Variants in FAM222A observed in about 807,000 individuals in gnomAD.
The protein encoded by FAM222A is protein FAM222A.
In FAM222A, 7 loss-of-function variants were observed where a neutral mutation model predicts 25.8. The ratio of observed to expected loss-of-function variants is 0.27; its 90% CI spans 0.15 to 0.51. FAM222A has a LOEUF of 0.51. FAM222A is among the 20% of genes least tolerant of loss of function. FAM222A has a pLI of 0.97. For synonymous variants in FAM222A, 294 were observed against 298.8 expected (o/e 0.98, Z 0.17); for missense variants, 573 against 640.5 (o/e 0.89, Z 1.14).
At chr12:109,715,592 C>T (rs1277838669) in intron 1 of FAM222A, among the ~76,000 whole-genome samples, 1 of 152,164 alleles carries the variant, frequency 6.6e-6, no homozygotes, top group Admixed American at 6.5e-5. Context: ...GGACTCCCCC[C>T]ACCCCTACCA....
In FAM222A at chr12:109,768,193, C is replaced by A; in HGVS notation, c.264C>A (p.Arg88=). The A allele has an allele frequency of 6.2e-7, 1 of 1,613,328 alleles. No homozygotes were observed. Among genetic ancestry groups the A allele is most frequent in the Non-Finnish European group, 8.5e-7 (1 of 1,179,910 alleles). ...TVNGYDTSGQ[R]YSPYPQHTAG... is the part of the protein sequence containing the mutation. ...ATGGCTATGACACCAGTGGCCAGCGCTACAGCCCCTACCCACAGCACACCG... is the reference window on the plus strand; with the variant it reads ...ATGGCTATGACACCAGTGGCCAGCGATACAGCCCCTACCCACAGCACACCG... The change falls in exon 3 of 3, where the codon CGC becomes CGA. Residue 88 remains arginine (R), a synonymous_variant. Coordinates refer to ENST00000538780, the MANE Select transcript of FAM222A (RefSeq NM_032829.3).
chr12:109,720,038 G>T, intron 1 of FAM222A: 1 of 954,660 alleles, frequency 1.0e-6, no homozygotes, highest in Middle Eastern at 5.4e-4. Flanking sequence ...CTTTCTCATG[G>T]GCTTGTGGGT....
chr12:109,720,745 GGT>G (rs1887731882), intron 1 of FAM222A, among the ~76,000 whole-genome samples: 2 of 152,236 alleles, frequency 1.3e-5, no homozygotes, highest in African/African-American at 4.8e-5. Flanking sequence ...CTTGAAAGGT[GGT>G]GTGTACCTAC....
intron 2 of FAM222A, among the ~76,000 whole-genome samples, chr12:109,749,538 AT>A (rs1412514799): frequency 6.6e-6 from 1 of 152,030 alleles, no homozygotes; most frequent in African/African-American, 2.4e-5. Context: ...AGCTTTGTGG[AT>A]TTTTTTATGG....
chr12:109,719,121 C>A (rs888644816), intron 1 of FAM222A, among the ~76,000 whole-genome samples: 28 of 152,210 alleles, frequency 1.8e-4, no homozygotes. Context: ...ACCCCAAATT[C>A]ATGCCCTGAC....
intron 2 of FAM222A, among the ~76,000 whole-genome samples, chr12:109,756,334 T>C (rs537898687): frequency 6.6e-6 from 1 of 152,154 alleles, no homozygotes; most frequent in South Asian, 2.1e-4. Flanking sequence ...GGATATCCTG[T>C]ATACAAGATA....
rs769877985 is a variant in FAM222A, at chr12:109,758,466, T to G, written c.83-9546T>G. ...GGTTCCCTGGCTGGTCACTGGGATG[T>G]GTGGATTCACACCTGTGGCTGACCT... On this transcript the variant is annotated intron_variant, in intron 2 of 2. Coordinates refer to ENST00000538780, the MANE Select transcript of FAM222A (RefSeq NM_032829.3). Among the ~76,000 whole-genome samples, 39 of 152,278 alleles carry G rather than the reference T, an allele frequency of 2.6e-4. No homozygotes were observed. The Middle Eastern group carries it at 0.014, about 53-fold the overall frequency.
chr12:109,755,308 T>C (rs1400080461), intron 2 of FAM222A, among the ~76,000 whole-genome samples: 2 of 119,782 alleles, frequency 1.7e-5, no homozygotes, highest in African/African-American at 3.2e-5. Context: ...TTTTTTTTTT[T>C]TTTTTTTTTT....
At chr12:109,735,922 C>T (rs1465924329) in intron 1 of FAM222A, 1 of 152,262 alleles carries the variant, frequency 6.6e-6, no homozygotes, top group African/African-American at 2.4e-5. Context: ...TGGCTCCAAA[C>T]TTTGCACCTT....
At chr12:109,737,907 G>A (rs1359850878) in intron 1 of FAM222A, among the ~76,000 whole-genome samples, 3 of 152,126 alleles carry the variant, frequency 2.0e-5, no homozygotes, top group African/African-American at 7.2e-5. Context: ...GGGAGGGAGC[G>A]GCAGGAGGGA....
intron 2 of FAM222A, among the ~76,000 whole-genome samples, chr12:109,751,635 G>A (rs1888562008): frequency 6.6e-6 from 1 of 152,166 alleles, no homozygotes; most frequent in Non-Finnish European, 1.5e-5. Flanking sequence ...TCAGACCCAG[G>A]TTCCTGAAAA....
At chr12:109,740,888 G>A (rs952199004) in intron 1 of FAM222A, among the ~76,000 whole-genome samples, 1 of 152,212 alleles carries the variant, frequency 6.6e-6, no homozygotes, top group Non-Finnish European at 1.5e-5. Flanking sequence ...AGGGAAGGGT[G>A]AGCCAGGGTC....
chr12:109,740,267 G>A (rs553874945), intron 1 of FAM222A, among the ~76,000 whole-genome samples: 1 of 152,222 alleles, frequency 6.6e-6, no homozygotes, highest in African/African-American at 2.4e-5. Flanking sequence ...TGGTGGAGGG[G>A]ACCTTTTCCT....
intron 1 of FAM222A, chr12:109,734,899 G>C (rs1451739251): frequency 2.0e-5 from 3 of 152,306 alleles, no homozygotes; most frequent in Non-Finnish European, 2.9e-5. Context: ...ACCCACACAT[G>C]GGTGGTGAGT....
intron 1 of FAM222A, among the ~76,000 whole-genome samples, chr12:109,731,360 C>T (rs980692318): frequency 1.4e-4 from 21 of 152,086 alleles, no homozygotes; most frequent in Non-Finnish European, 2.1e-4. Context: ...ACTCAGAATC[C>T]GGCCCTCCCA....
chr12:109,769,290 G>T lies in FAM222A; in HGVS notation c.*2G>T, dbSNP rs767460451. 27 of 1,605,912 alleles carry T rather than the reference G, an allele frequency of 1.7e-5. No homozygotes were observed. The highest frequency in any genetic ancestry group is 2.2e-5 in the Non-Finnish European group (26 of 1,177,050). ...ATCCGCCTACCCGTCTACAGATAAG[G>T]CCTGCCCTGCGGACATACGGACATG... On this transcript the variant is annotated 3_prime_UTR_variant, in exon 3 of 3. Coordinates refer to ENST00000538780, the MANE Select transcript of FAM222A (RefSeq NM_032829.3).
intron 1 of FAM222A, among the ~76,000 whole-genome samples, chr12:109,726,721 G>A (rs1018388722): frequency 1.3e-5 from 2 of 152,166 alleles, no homozygotes; most frequent in South Asian, 4.1e-4. Flanking sequence ...TGGTCTAGAA[G>A]CAGGTGCTGT....
At chr12:109,758,215 C>T (rs567075376) in intron 2 of FAM222A, among the ~76,000 whole-genome samples, 4 of 152,176 alleles carry the variant, frequency 2.6e-5, no homozygotes, top group South Asian at 2.1e-4. Context: ...ATGTAGCTTG[C>T]GTGTGTGCAC....
chr12:109,753,063 C>A (rs143871015), intron 2 of FAM222A, among the ~76,000 whole-genome samples: 1 of 152,218 alleles, frequency 6.6e-6, no homozygotes, highest in Non-Finnish European at 1.5e-5. Context: ...AAATATTTGA[C>A]TTTCCCATTA....
Sources: gnomAD v4.1 joint callset for allele counts (sites outside exome capture counted in the v4.1 genomes callset) on GRCh38, gnomAD v4.1.1 for gene constraint, MANE v1.5 for transcripts, NCBI Gene and HGNC (gene_info 2026-07-23, HGNC 2026-07-21) for gene names.